The following SIRT5 variants were observed in gnomAD, a reference collection of about 807,000 sequenced individuals.
SIRT5 encodes sirtuin 5, also known as NAD-dependent protein deacylase sirtuin-5, mitochondrial.
Under a neutral mutation model 40.0 loss-of-function variants are expected in SIRT5, and 26 were observed. That is an observed-to-expected ratio of 0.65 (90% CI 0.48 to 0.90). The LOEUF is 0.90. SIRT5 is among the 40% of genes least tolerant of loss of function. The pLI is 0.00. For missense variants in SIRT5, 401 were observed against 402.4 expected, an observed-to-expected ratio of 1.00 and a Z score of 0.03; for synonymous variants, 146 against 149.1, an observed-to-expected ratio of 0.98 and a Z score of 0.15.
At position 13,612,094 on chromosome 6, in the gene SIRT5, C is replaced by CTGAAA; in HGVS notation, c.*230_*234dup. ...GTTAATTCATATTATTTGGTTTGAA[C>CTGAAA]TGAAACGTGAGGTATCTTTGATGTG... On this transcript the variant is annotated 3_prime_UTR_variant, in exon 10 of 10. Coordinates refer to ENST00000606117, the MANE Select transcript of SIRT5 (RefSeq NM_012241.5). 1 of 378,582 alleles carries CTGAAA rather than the reference C, an allele frequency of 2.6e-6. No individual in the cohort carries two copies. Among genetic ancestry groups the CTGAAA allele is most frequent in the Non-Finnish European group, 4.8e-6 (1 of 209,426 alleles). 23.5% of individuals were successfully genotyped at this position (378,582 alleles called of 1,614,324 possible). A position where few individuals can be genotyped will look rare whatever the true frequency, so the allele number is the denominator to read the frequency against.
chr6:13,609,563 ATCTGAAGC>A (rs1763570194), intron 9 of SIRT5, among the ~76,000 whole-genome samples: 1 of 152,224 alleles, frequency 6.6e-6, no homozygotes, highest in African/African-American at 2.4e-5. Context: ...GAAATCCCTT[ATCTGAAGC>A]TCTGCACCTG....
In SIRT5 at chr6:13,612,303, A is replaced by G. The variant is rs1248077219; in HGVS notation, c.*438A>G. 2 of 152,790 alleles carry G rather than the reference A, an allele frequency of 1.3e-5. No homozygotes were observed. Among genetic ancestry groups the G allele is most frequent in the East Asian group, 1.9e-4 (1 of 5,202 alleles). The allele number at this position is 152,790 out of a possible 1,614,324, so 9.5% of individuals were successfully genotyped here. ...CACTCTACAGTAGGTAATTTATTGT[A>G]TAAAGACATTACCCCACGATATGGC... is the stretch of plus-strand genomic sequence containing the variant. On this transcript the variant is annotated 3_prime_UTR_variant, in exon 10 of 10. Transcript: ENST00000606117.
At chr6:13,583,988 A>G (rs1759722244) in intron 2 of SIRT5, 88 bp from the exon 3 acceptor site, 3 of 534,876 alleles carry the variant, frequency 5.6e-6, no homozygotes, top group Admixed American at 3.4e-5. Flanking sequence ...TCTGTAATAT[A>G]TAAAATATAA....
chr6:13,597,152 C>A lies in SIRT5; in HGVS notation c.617+136C>A. The A allele has an allele frequency of 9.1e-6, 6 of 656,230 alleles. No individual in the cohort carries two copies. The South Asian group carries it at 1.2e-4, about 13-fold the overall frequency. The allele number at this position is 656,230 out of a possible 1,614,324, so 40.7% of individuals were successfully genotyped here. A position where few individuals can be genotyped will look rare whatever the true frequency, so the allele number is the denominator to read the frequency against. On this transcript the variant is annotated intron_variant, in intron 7 of 9. Transcript: ENST00000606117. ...CACAAATGTAAAAACCAGGCTTGAT[C>A]TCTGAGACCAAAAGTGAAAGGACAA...
chr6:13,605,805 A>T (rs1464313158), intron 9 of SIRT5: 2 of 985,358 alleles, frequency 2.0e-6, no homozygotes, highest in African/African-American at 3.5e-5. Context: ...ACATTCGCTG[A>T]GGCAAAAATG....
intron 4 of SIRT5, among the ~76,000 whole-genome samples, chr6:13,591,384 C>G (rs747572863): frequency 2.6e-5 from 4 of 152,232 alleles, no homozygotes; most frequent in Non-Finnish European, 5.9e-5. Flanking sequence ...ATCTTCACTA[C>G]TTACTTGGGA....
At chr6:13,580,950 C>A (rs1207946450) in intron 2 of SIRT5, among the ~76,000 whole-genome samples, 1 of 152,186 alleles carries the variant, frequency 6.6e-6, no homozygotes, top group African/African-American at 2.4e-5. Context: ...TGTGTGCCAC[C>A]ATGGCTGGCC....
intron 3 of SIRT5, among the ~76,000 whole-genome samples, chr6:13,585,417 A>G (rs1207125528): frequency 8.7e-5 from 9 of 103,478 alleles, no homozygotes; most frequent in African/African-American, 3.0e-4. Context: ...GACAGGCCCC[A>G]GTGTGTGATG....
intron 9 of SIRT5, 101 bp downstream of exon 9, chr6:13,601,050 T>G: frequency 2.3e-6 from 2 of 864,656 alleles, no homozygotes; most frequent in Non-Finnish European, 3.5e-6. Flanking sequence ...AAAAAAGACA[T>G]AGGGTTTGTG....
chr6:13,606,987 T>TC (rs1763206300), intron 9 of SIRT5, among the ~76,000 whole-genome samples: 1 of 150,744 alleles, frequency 6.6e-6, no homozygotes, highest in East Asian at 1.9e-4. Context: ...TGGCCTGCTT[T>TC]TTTTTTTTTT....
intron 9 of SIRT5, among the ~76,000 whole-genome samples, chr6:13,609,741 G>A (rs1182286378): frequency 1.3e-5 from 2 of 152,144 alleles, no homozygotes; most frequent in African/African-American, 2.4e-5. Context: ...TCAAAGAATG[G>A]AATTAAGACA....
At chr6:13,578,791 T>C (rs1758968375) in intron 1 of SIRT5, among the ~76,000 whole-genome samples, 1 of 152,038 alleles carries the variant, frequency 6.6e-6, no homozygotes, top group Non-Finnish European at 1.5e-5. Context: ...GGTGCCCCCC[T>C]TTTTCACAGA....
At position 13,607,530 on chromosome 6, in the gene SIRT5, T is replaced by G. The variant is rs1303780028; in HGVS notation, c.858-4260T>G. Among the ~76,000 whole-genome samples, 1 of 152,192 alleles carries G rather than the reference T, an allele frequency of 6.6e-6. No homozygotes were observed. The highest frequency in any genetic ancestry group is 1.5e-5 in the Non-Finnish European group (1 of 68,022). ...GTAATTTTAAATGCAGCAGGATGATTACATTAACCAATGCAAGTGGCGTGA... is the reference window on the plus strand; with the variant it reads ...GTAATTTTAAATGCAGCAGGATGATGACATTAACCAATGCAAGTGGCGTGA... On this transcript the variant is annotated intron_variant, in intron 9 of 9. Coordinates refer to ENST00000606117, the MANE Select transcript of SIRT5 (RefSeq NM_012241.5). This position sits in a 1 kb window ranked among gnomAD's most constrained non-coding sequence, Gnocchi z 4.0.
chr6:13,596,248 T>G (rs1329881911), intron 6 of SIRT5, among the ~76,000 whole-genome samples: 1 of 152,182 alleles, frequency 6.6e-6, no homozygotes, highest in Non-Finnish European at 1.5e-5. Context: ...ATTTCTATTA[T>G]GAACATGTAC....
chr6:13,607,620 C>A lies in SIRT5; in HGVS notation c.858-4170C>A, dbSNP rs1763290933. On this transcript the variant is annotated intron_variant, in intron 9 of 9. Transcript: ENST00000606117. This position sits in a 1 kb window ranked among gnomAD's most constrained non-coding sequence, Gnocchi z 4.0. Reference sequence around the variant, plus strand: ...AACTGGTGGGGGCCAGCAGAGTGCACAGGTGTGCTAGAAAGAGGCTTTCAA... The same window carrying A: ...AACTGGTGGGGGCCAGCAGAGTGCAAAGGTGTGCTAGAAAGAGGCTTTCAA... 6.6e-6 allele frequency among the ~76,000 whole-genome samples: 1 copy of A among 152,186 alleles called. No individual in the cohort carries two copies. Among genetic ancestry groups the A allele is most frequent in the South Asian group, 2.1e-4 (1 of 4,826 alleles).
At chr6:13,576,095 G>A (rs530843156) in intron 1 of SIRT5, among the ~76,000 whole-genome samples, 19 of 152,254 alleles carry the variant, frequency 1.2e-4, no homozygotes, top group African/African-American at 4.1e-4. Flanking sequence ...TGGTTATTGT[G>A]AATAATGCTG....
At chr6:13,597,063 CAAA>C in intron 7 of SIRT5, 47 bp downstream of exon 7, 1 of 1,081,058 alleles carries the variant, frequency 9.3e-7, no homozygotes, top group South Asian at 1.7e-5. Flanking sequence ...GTTACCAAAA[CAAA>C]AAAAAAAACA....
chr6:13,611,209 AT>A (rs1763820144), intron 9 of SIRT5, among the ~76,000 whole-genome samples: 1 of 110,850 alleles, frequency 9.0e-6, no homozygotes, highest in Non-Finnish European at 1.9e-5. Context: ...GTGTGTGTGT[AT>A]ATATATATAT....
chr6:13,584,874 T>G (rs750901769), intron 3 of SIRT5: 1 of 152,252 alleles, frequency 6.6e-6, no homozygotes, highest in Non-Finnish European at 1.5e-5. Flanking sequence ...AGAAATACTT[T>G]GCAGCTCTAC....
Sources: allele counts gnomAD v4.1 joint callset (sites outside exome capture counted in the v4.1 genomes callset), GRCh38; gene constraint gnomAD v4.1.1; non-coding constraint Gnocchi (gnomAD v3.1); transcripts MANE v1.5; gene names NCBI Gene and HGNC (gene_info 2026-07-23, HGNC 2026-07-21).